Variants in TCOF1 observed in about 807,000 individuals in gnomAD.
TCOF1 encodes treacle protein.
TCOF1 carries 33 observed loss-of-function variants against 149.0 expected under a neutral mutation model. The ratio of observed to expected loss-of-function variants is 0.22; its 90% confidence interval spans 0.17 to 0.30. The LOEUF (loss-of-function observed/expected upper bound fraction) is 0.30, where lower values mean the gene tolerates loss of function less well. Ranked by LOEUF, TCOF1 falls within the 10% of genes least tolerant of loss-of-function variation. The pLI, the probability that TCOF1 is intolerant of heterozygous loss-of-function variation, is 1.00. For missense variants in TCOF1, 1,728 were observed against 1,840.7 expected, an observed-to-expected ratio of 0.94 and a Z score of 1.12; for synonymous variants, 789 against 738.8, an observed-to-expected ratio of 1.07 and a Z score of -1.10.
At chr5:150,369,028 C>G (rs1317294239) in intron 5 of TCOF1, 126 bp downstream of exon 5, 1 of 1,282,562 alleles carries the variant, frequency 7.8e-7, no homozygotes, top group Non-Finnish European at 1.1e-6. Context: ...AGCCAGGTTC[C>G]TGCATCTTAG....
chr5:150,374,856 C>G, intron 9 of TCOF1, 45 bp downstream of exon 9: 1 of 1,608,594 alleles, frequency 6.2e-7, no homozygotes, highest in Non-Finnish European at 8.5e-7. Context: ...TGCCTAAACC[C>G]CAGCACCTGC....
intron 17 of TCOF1, among the ~76,000 whole-genome samples, chr5:150,383,568 G>A (rs1430283512): frequency 1.3e-5 from 2 of 152,212 alleles, no homozygotes; most frequent in Non-Finnish European, 2.9e-5. Context: ...GCCTAAGAAA[G>A]GGTGCCTGTT....
rs182444883 is a variant in TCOF1 at position 150,387,246 on chromosome 5, C to T, written c.2860-656C>T. Reference sequence around the variant, plus strand: ...TCTCATGGAGTTCAGTTAAAGGCCACGTACGGCATTGAGTTATTAATCCTC... The same window carrying T: ...TCTCATGGAGTTCAGTTAAAGGCCATGTACGGCATTGAGTTATTAATCCTC... On this transcript the variant is annotated intron_variant, in intron 17 of 26. Transcript: ENST00000643257. Among the ~76,000 whole-genome samples the T allele has an allele frequency of 1.1e-3, 173 of 152,368 alleles. 1 individual carries two copies. The highest frequency in any genetic ancestry group is 4.1e-3 in the African/African-American group (170 of 41,592).
intron 1 of TCOF1, among the ~76,000 whole-genome samples, chr5:150,358,206 CT>C (rs910887755): frequency 3.9e-5 from 6 of 152,028 alleles, no homozygotes; most frequent in African/African-American, 1.4e-4. Flanking sequence ...GCGGCCCCCC[CT>C]GGGGCAAGGA....
intron 18 of TCOF1, 71 bp downstream of exon 18, chr5:150,388,159 A>C (rs906295681): frequency 1.3e-6 from 2 of 1,598,108 alleles, no homozygotes; most frequent in African/African-American, 2.7e-5. Context: ...CAGAAGGGAC[A>C]GGACACTGGC....
At position 150,396,242 on chromosome 5, in the gene TCOF1, A is replaced by G. The variant is rs367771602; in HGVS notation, c.3785-40A>G. On this transcript the variant is annotated intron_variant, in intron 23 of 26. Coordinates refer to ENST00000643257, the MANE Select transcript of TCOF1 (RefSeq NM_001371623.1). Reference sequence around the variant, plus strand: ...TTAGGTACCATAAGATCTGTCCCCCAACTCTCCCAGATCTGTGACCCCACA... The same window carrying G: ...TTAGGTACCATAAGATCTGTCCCCCGACTCTCCCAGATCTGTGACCCCACA... 1.5e-5 allele frequency: 24 copies of G among 1,608,766 alleles called. No homozygotes were observed. In the African/African-American group the frequency reaches 2.9e-4, roughly 20 times the overall value.
In TCOF1 at chr5:150,392,761, A is replaced by G. The variant is rs1006014981; in HGVS notation, c.3574A>G (p.Ser1192Gly). 8 of 1,614,086 alleles carry G rather than the reference A, an allele frequency of 5.0e-6. No individual in the cohort carries two copies. Among genetic ancestry groups the G allele is most frequent in the Non-Finnish European group, 6.8e-6 (8 of 1,180,008 alleles). Residue 1192 changes from serine (S) to glycine (G), a missense_variant, in exon 22 of 27, where the codon AGC becomes GGC. Transcript: ENST00000643257. ...GGTGGAGGAGACCGCAGCAGAGTCC[A>G]GCGAGGATGATGTGGTGGCGCCATC... ...TLVEETAAES[S>G]EDDVVAPSQS...
In TCOF1 at chr5:150,391,537, C is replaced by T; in HGVS notation, c.3184-7C>T. 1.2e-6 allele frequency: 2 copies of T among 1,613,078 alleles called. No individual in the cohort carries two copies. The highest frequency in any genetic ancestry group is 4.5e-5 in the East Asian group (2 of 44,884). On this transcript the variant is annotated splice_region_variant and splice_polypyrimidine_tract_variant and intron_variant, in intron 19 of 26. Transcript: ENST00000643257. ...TGAGTCTGAGGGCTACCTCTTGCCA[C>T]CCACAGGTGTCAAAGAAGAACCCAG...
intron 7 of TCOF1, 82 bp downstream of exon 7, chr5:150,372,318 C>T: frequency 8.0e-7 from 1 of 1,255,714 alleles, no homozygotes; most frequent in Non-Finnish European, 1.1e-6. Flanking sequence ...GCACCTCTGC[C>T]ACTGGAGTTG....
chr5:150,360,743 T>C (rs1333407315), intron 1 of TCOF1, among the ~76,000 whole-genome samples: 1 of 151,262 alleles, frequency 6.6e-6, no homozygotes, highest in East Asian at 1.9e-4. Context: ...TTTTTTTTTT[T>C]TTTTTTTTTT....
intron 17 of TCOF1, chr5:150,385,009 A>T: frequency 5.1e-6 from 5 of 985,410 alleles, no homozygotes; most frequent in Non-Finnish European, 6.0e-6. Flanking sequence ...TGTGCAGAGT[A>T]GACCTCAGGC....
chr5:150,362,798 G>A (rs1424616019), intron 2 of TCOF1, among the ~76,000 whole-genome samples: 2 of 152,110 alleles, frequency 1.3e-5, no homozygotes, highest in Non-Finnish European at 1.5e-5. Flanking sequence ...GGTGTTATTC[G>A]TAGTACTTCC....
rs1277324687 is a variant in TCOF1, at chr5:150,396,770, G to C, written c.4273G>C (p.Gly1425Arg). 2 of 1,612,104 alleles carry C rather than the reference G, an allele frequency of 1.2e-6. No individual in the cohort carries two copies. Among genetic ancestry groups the C allele is most frequent in the Non-Finnish European group, 1.7e-6 (2 of 1,179,524 alleles). Residue 1425 changes from glycine (G) to arginine (R), a missense_variant, in exon 24 of 27, where the codon GGG becomes CGG. Physicochemically the swap from Gly to Arg is moderately radical, Grantham distance 125 (BLOSUM62 -2). Coordinates refer to ENST00000643257, the MANE Select transcript of TCOF1 (RefSeq NM_001371623.1). ...KDEPEEELQK[G>R]MGTVEGGDQS... is the part of the protein sequence containing the mutation. Reference sequence around the variant, plus strand: ...CGAGCCAGAAGAGGAGCTTCAGAAGGGGATGGGGACGGTTGAAGGTGGAGA... The same window carrying C: ...CGAGCCAGAAGAGGAGCTTCAGAAGCGGATGGGGACGGTTGAAGGTGGAGA...
chr5:150,368,220 A>G (rs1581066261), intron 4 of TCOF1: 2 of 424,810 alleles, frequency 4.7e-6, no homozygotes, highest in East Asian at 9.7e-5. Context: ...GATCTTGACT[A>G]ATACCTGTTA....
At chr5:150,358,614 A>G (rs1368944428) in intron 1 of TCOF1, among the ~76,000 whole-genome samples, 1 of 152,164 alleles carries the variant, frequency 6.6e-6, no homozygotes, top group Non-Finnish European at 1.5e-5. Context: ...AGACTAGCGG[A>G]TCACCTGAGG....
chr5:150,375,684 T>G, intron 11 of TCOF1, 37 bp from the exon 12 acceptor site: 1 of 1,614,026 alleles, frequency 6.2e-7, no homozygotes, highest in Non-Finnish European at 8.5e-7. Context: ...ACACCTACCC[T>G]GGGCTCCCTC....
chr5:150,379,842 C>A (rs1011855894), intron 17 of TCOF1, 110 bp downstream of exon 17: 8 of 1,345,668 alleles, frequency 5.9e-6, no homozygotes, highest in Non-Finnish European at 8.3e-6. Flanking sequence ...GAGGCCGAGG[C>A]AGATGTATCA....
chr5:150,374,712 G>T lies in TCOF1; in HGVS notation c.1179G>T (p.Lys393Asn). Residue 393 changes from lysine (K) to asparagine (N), a missense_variant, in exon 9 of 27, where the codon AAG (lysine) becomes AAT (asparagine). Transcript: ENST00000643257. ...RKGAAPAPPG[K>N]TGPAVAKAQA... Reference sequence around the variant, plus strand: ...GAGCTGCCCCAGCGCCCCCTGGGAAGACAGGGCCTGCAGTTGCCAAGGCCC... The same window carrying T: ...GAGCTGCCCCAGCGCCCCCTGGGAATACAGGGCCTGCAGTTGCCAAGGCCC... 6.2e-7 allele frequency: 1 copy of T among 1,606,920 alleles called. No individual in the cohort carries two copies. The highest frequency in any genetic ancestry group is 1.1e-5 in the South Asian group (1 of 90,802).
chr5:150,383,108 C>A (rs1349102164), intron 17 of TCOF1: 1 of 1,535,984 alleles, frequency 6.5e-7, no homozygotes, highest in African/African-American at 1.4e-5. Context: ...CTGGCCCCAG[C>A]ACCCCCAGAG....
Sources: allele counts gnomAD v4.1 joint callset (sites outside exome capture counted in the v4.1 genomes callset), GRCh38; gene constraint gnomAD v4.1.1; transcripts MANE v1.5; gene names NCBI Gene and HGNC (gene_info 2026-07-23, HGNC 2026-07-21).